Variants in SGCG observed in about 807,000 individuals in gnomAD.
SGCG encodes sarcoglycan gamma.
SGCG carries 26 observed loss-of-function variants against 29.3 expected under a neutral mutation model. The observed-to-expected ratio is 0.89, with a 90% CI of 0.65 to 1.23. The LOEUF is 1.23. Among genes scored for constraint, SGCG ranks in the 50% most tolerant of loss-of-function variants. The pLI, the probability that SGCG is intolerant of heterozygous loss-of-function variation, is 0.00. For missense variants in SGCG, 353 were observed against 356.0 expected (o/e 0.99, Z 0.07); for synonymous variants, 145 against 129.7 (o/e 1.12, Z -0.80).
At chr13:23,212,799 C>T (rs955274366) in intron 2 of SGCG, among the ~76,000 whole-genome samples, 4 of 152,060 alleles carry the variant, frequency 2.6e-5, no homozygotes, top group Admixed American at 6.6e-5. Context: ...CAGCTAAGTC[C>T]GTGTTGCAGA....
intron 2 of SGCG, among the ~76,000 whole-genome samples, chr13:23,223,050 G>A (rs1194977536): frequency 1.3e-5 from 2 of 151,988 alleles, no homozygotes; most frequent in Admixed American, 6.5e-5. Flanking sequence ...AGGCCAAGGT[G>A]GGCAGATCAC....
intron 2 of SGCG, among the ~76,000 whole-genome samples, chr13:23,233,916 A>G (rs1313997499): frequency 6.6e-6 from 1 of 152,178 alleles, no homozygotes; most frequent in African/African-American, 2.4e-5. Context: ...AAACCAAAGG[A>G]GGACAGTGTT....
At chr13:23,190,894 A>G (rs909189460) in intron 1 of SGCG, among the ~76,000 whole-genome samples, 3 of 152,156 alleles carry the variant, frequency 2.0e-5, no homozygotes, top group African/African-American at 7.2e-5. Context: ...CGTGTGTTAA[A>G]GAGTTTTTTG....
intron 5 of SGCG, 138 bp from the exon 6 acceptor site, chr13:23,295,277 C>A: frequency 1.3e-6 from 1 of 758,234 alleles, no homozygotes. Flanking sequence ...ATTTTTCTAC[C>A]TGTAACTCAA....
chr13:23,217,144 G>A (rs559521099), intron 2 of SGCG, among the ~76,000 whole-genome samples: 3 of 152,146 alleles, frequency 2.0e-5, no homozygotes, highest in African/African-American at 7.2e-5. Context: ...ATGAGGAGAG[G>A]TTCTAATTTG....
intron 6 of SGCG, among the ~76,000 whole-genome samples, chr13:23,313,472 T>C (rs1449552499): frequency 1.3e-5 from 2 of 152,184 alleles, no homozygotes; most frequent in East Asian, 3.9e-4. Flanking sequence ...GCCTTCTCTT[T>C]TTTTAAAAAT....
chr13:23,310,650 T>G (rs947512665), intron 6 of SGCG, among the ~76,000 whole-genome samples: 1 of 152,186 alleles, frequency 6.6e-6, no homozygotes, highest in Non-Finnish European at 1.5e-5. Context: ...TATCATTTTG[T>G]TTTATTTACC....
At chr13:23,310,377 C>T (rs562466380) in intron 6 of SGCG, among the ~76,000 whole-genome samples, 16 of 152,226 alleles carry the variant, frequency 1.1e-4, no homozygotes, top group South Asian at 6.2e-4. Context: ...TGAGCCACCG[C>T]GCCGGGCCTG....
chr13:23,259,620 T>C (rs1880347425), intron 4 of SGCG, among the ~76,000 whole-genome samples: 1 of 152,198 alleles, frequency 6.6e-6, no homozygotes, highest in Non-Finnish European at 1.5e-5. Flanking sequence ...TCTCTAGTTC[T>C]TTTAATTGTG....
intron 4 of SGCG, chr13:23,267,903 G>A: frequency 6.6e-6 from 1 of 152,250 alleles, no homozygotes; most frequent in Non-Finnish European, 1.5e-5. Flanking sequence ...AGATGCCACA[G>A]GGAGGAGAAG....
chr13:23,303,160 T>C (rs965239293), intron 6 of SGCG, among the ~76,000 whole-genome samples: 1 of 150,272 alleles, frequency 6.7e-6, no homozygotes. Context: ...GTGTAATACA[T>C]CATAATCGAT....
At chr13:23,219,686 A>G (rs1252149851) in intron 2 of SGCG, among the ~76,000 whole-genome samples, 1 of 152,070 alleles carries the variant, frequency 6.6e-6, no homozygotes, top group Non-Finnish European at 1.5e-5. Context: ...TGATTTGATC[A>G]TTTTATAATG....
intron 6 of SGCG, among the ~76,000 whole-genome samples, chr13:23,309,196 G>C (rs1008783914): frequency 6.6e-6 from 1 of 151,924 alleles, no homozygotes. Context: ...CAACTTTACT[G>C]ATCATTGTTA....
chr13:23,212,426 G>A (rs1336963872), intron 2 of SGCG, among the ~76,000 whole-genome samples: 3 of 128,174 alleles, frequency 2.3e-5, no homozygotes, highest in African/African-American at 9.1e-5. Flanking sequence ...TAACCCCGTA[G>A]GATCATGTCA....
intron 6 of SGCG, among the ~76,000 whole-genome samples, chr13:23,297,901 C>T (rs376387305): frequency 3.3e-5 from 5 of 152,010 alleles, no homozygotes; most frequent in Non-Finnish European, 5.9e-5. Flanking sequence ...CCCACGACCA[C>T]ACCTGGCTAA....
At chr13:23,271,425 G>T (rs12427784) in intron 4 of SGCG, among the ~76,000 whole-genome samples, 67,055 of 151,692 alleles carry the variant, frequency 0.44, 15,509 homozygotes, top group Middle Eastern at 0.65. Context: ...AAAAAAAATT[G>T]CAAATTAATC....
At chr13:23,196,608 T>A (rs1488338075) in intron 1 of SGCG, among the ~76,000 whole-genome samples, 1 of 142,756 alleles carries the variant, frequency 7.0e-6, no homozygotes, top group Non-Finnish European at 1.6e-5. Flanking sequence ...ATTGCTTGAG[T>A]TTTATTGGAT....
intron 4 of SGCG, among the ~76,000 whole-genome samples, chr13:23,270,219 G>A (rs748269177): frequency 1.3e-5 from 2 of 152,192 alleles, no homozygotes; most frequent in African/African-American, 2.4e-5. Context: ...ATTCCTAGAA[G>A]TGGGATTGTG....
At chr13:23,176,185 A>G (rs561350093), upstream of SGCG, among the ~76,000 whole-genome samples, 2 of 152,314 alleles carry the variant, frequency 1.3e-5, no homozygotes, top group African/African-American at 4.8e-5. Context: ...GCCATATACT[A>G]TGATAGCTCA....
Sources: gnomAD v4.1 joint callset for allele counts (sites outside exome capture counted in the v4.1 genomes callset) on GRCh38, gnomAD v4.1.1 for gene constraint, MANE v1.5 for transcripts, NCBI Gene and HGNC (gene_info 2026-07-23, HGNC 2026-07-21) for gene names.